Variants in ITIH4 observed in about 807,000 individuals in gnomAD.
The protein encoded by ITIH4 is inter-alpha-trypsin inhibitor heavy chain 4.
A neutral mutation model predicts 111.8 loss-of-function variants in ITIH4; 79 were observed. The observed-to-expected ratio is 0.71, with a 90% CI of 0.59 to 0.85. ITIH4 has a LOEUF of 0.85. Ranked by LOEUF, ITIH4 falls within the 40% of genes least tolerant of loss-of-function variation. ITIH4 has a pLI of 0.00. For missense variants in ITIH4, 1,065 were observed against 1,195.8 expected (o/e 0.89, Z 1.61); for synonymous variants, 472 against 468.3 (o/e 1.01, Z -0.10).
chr3:52,816,777 G>T, intron 21 of ITIH4, 107 bp downstream of exon 21: 2 of 1,050,458 alleles, frequency 1.9e-6, no homozygotes, highest in Non-Finnish European at 2.8e-6. Context: ...TGTGAGTGTA[G>T]CTGCTCCATT....
At chr3:52,820,869 C>G in intron 12 of ITIH4, 84 bp from the exon 13 acceptor site, 1 of 1,550,330 alleles carries the variant, frequency 6.5e-7, no homozygotes, top group Admixed American at 1.9e-5. Context: ...GGAGGTCCCT[C>G]TGGGAGAATC....
intron 17 of ITIH4, chr3:52,818,953 G>C (rs2154111281): frequency 3.6e-6 from 1 of 279,990 alleles, no homozygotes; most frequent in South Asian, 4.6e-5. Context: ...TTCAGAGAGA[G>C]GAAGCTGGCA....
intron 6 of ITIH4, 90 bp downstream of exon 6, chr3:52,825,796 G>C: frequency 6.9e-7 from 1 of 1,446,032 alleles, no homozygotes. Context: ...AGTAAGGGTG[G>C]TTCTTTTCCT....
At chr3:52,817,907 C>G in intron 20 of ITIH4, 145 bp downstream of exon 20, 1 of 729,348 alleles carries the variant, frequency 1.4e-6, no homozygotes, top group Non-Finnish European at 2.5e-6. Flanking sequence ...AGTGTGTGCC[C>G]ATGCCAGCAC....
rs1477470897 is a variant in ITIH4, at chr3:52,827,152, A to G, written c.297T>C (p.Ala99=). 6.2e-7 allele frequency: 1 copy of G among 1,614,164 alleles called. No homozygotes were observed. Among genetic ancestry groups the G allele is most frequent in the South Asian group, 1.1e-5 (1 of 91,086 alleles). Reference sequence around the variant, plus strand: ...CTGCGCTGTACTGTGCCTGGGCTTCAGCCTTCTCCTTGATGATCCCTGGGT... The same window carrying G: ...CTGCGCTGTACTGTGCCTGGGCTTCGGCCTTCTCCTTGATGATCCCTGGGT... ...MTYPGIIKEK[A]EAQAQYSAAV... Residue 99 remains alanine (A), a synonymous_variant, in exon 3 of 24, where the codon GCT becomes GCC. Coordinates refer to ENST00000266041, the MANE Select transcript of ITIH4 (RefSeq NM_002218.5).
Position 52,818,268 on chromosome 3 carries a change from G to T in ITIH4, c.2168C>A (p.Thr723Asn). 1 of 1,579,120 alleles carries T rather than the reference G, an allele frequency of 6.3e-7. No homozygotes were observed. Among genetic ancestry groups the T allele is most frequent in the South Asian group, 1.2e-5 (1 of 84,080 alleles). Residue 723 changes from threonine to asparagine, a missense_variant, in exon 19 of 24, where the codon ACC becomes AAC. Coordinates refer to ENST00000266041, the MANE Select transcript of ITIH4 (RefSeq NM_002218.5). ...GGCTGGGAACTTACCTGGGGTTTGGGTTGTCATGGTTGTTTCTAAAAGAAG... is the reference window on the plus strand; with the variant it reads ...GGCTGGGAACTTACCTGGGGTTTGGTTTGTCATGGTTGTTTCTAAAAGAAG... ...NMKIEETTMT[T>N]QTPAPIQAPS...
At chr3:52,827,034 A>T (rs1675372709) in intron 3 of ITIH4, 59 bp downstream of exon 3, 1 of 1,611,982 alleles carries the variant, frequency 6.2e-7, no homozygotes. Context: ...ACTAAGGGCC[A>T]AAGGCAAGGT....
chr3:52,814,907 G>T (rs1700253344), intron 21 of ITIH4, among the ~76,000 whole-genome samples: 1 of 152,136 alleles, frequency 6.6e-6, no homozygotes, highest in African/African-American at 2.4e-5. Context: ...AATTCAGTTT[G>T]TCATAAATTA....
At position 52,819,479 on chromosome 3, in the gene ITIH4, A is replaced by G; in HGVS notation, c.1991T>C (p.Val664Ala). 1 of 1,613,978 alleles carries G rather than the reference A, an allele frequency of 6.2e-7. No individual in the cohort carries two copies. The highest frequency in any genetic ancestry group is 8.5e-7 in the Non-Finnish European group (1 of 1,179,928). Residue 664 changes from valine (V) to alanine (A), a missense_variant, in exon 17 of 24, where the codon GTT becomes GCT. Coordinates refer to ENST00000266041, the MANE Select transcript of ITIH4 (RefSeq NM_002218.5). Reference protein sequence around the residue: ...AGSRMNFRPGVLSSRQLGLPG... With the variant: ...AGSRMNFRPGALSSRQLGLPG... The stretch of plus-strand genomic sequence containing the variant: ...GAGTCCAAGTTGCCTGGAGCTGAGA[A>G]CCCCAGGTCTGAAATTCATCCGGGA...
chr3:52,826,059 A>C, intron 5 of ITIH4, 45 bp from the exon 6 acceptor site: 1 of 1,611,890 alleles, frequency 6.2e-7, no homozygotes, highest in Non-Finnish European at 8.5e-7. Context: ...CAGCAAAGCC[A>C]GGCCAACAAC....
intron 17 of ITIH4, chr3:52,819,046 G>C (rs1700327524): frequency 3.0e-6 from 1 of 330,614 alleles, no homozygotes; most frequent in Middle Eastern, 1.0e-3. Context: ...TCTGAACAAG[G>C]AGTGTGGGAG....
intron 6 of ITIH4, 99 bp downstream of exon 6, chr3:52,825,787 G>T: frequency 7.3e-7 from 1 of 1,377,236 alleles, no homozygotes; most frequent in Non-Finnish European, 9.9e-7. Flanking sequence ...ACACTGCTAA[G>T]TAAGGGTGGT....
In ITIH4 at chr3:52,824,553, G is replaced by T. The variant is rs1223441061; in HGVS notation, c.889C>A (p.Leu297Ile). 6.2e-7 allele frequency: 1 copy of T among 1,612,030 alleles called. No homozygotes were observed. Among genetic ancestry groups the T allele is most frequent in the Admixed American group, 1.7e-5 (1 of 59,990 alleles). The change falls in exon 8 of 24, where the codon CTA becomes ATA. Residue 297 changes from leucine to isoleucine, a missense_variant. By Grantham distance (5) the Leu-to-Ile change is conservative. Transcript: ENST00000266041. The surrounding 1 kb of genome is among the most constrained non-coding windows in gnomAD (Gnocchi z 4.3). Reference sequence around the variant, plus strand: ...CTGAGGTCATCCAGGATCTTGATTAGGGCTTCCCGGGTCTGGTCAGGGAGA... The same window carrying T: ...CTGAGGTCATCCAGGATCTTGATTATGGCTTCCCGGGTCTGGTCAGGGAGA... ...GRKIQQTREA[L>I]IKILDDLSPR...
At chr3:52,828,824 G>C (rs1470594575) in intron 2 of ITIH4, among the ~76,000 whole-genome samples, 1 of 152,160 alleles carries the variant, frequency 6.6e-6, no homozygotes, top group Non-Finnish European at 1.5e-5. Context: ...GGCCTCAGGA[G>C]GCCTCAAGTC....
intron 21 of ITIH4, among the ~76,000 whole-genome samples, chr3:52,816,509 T>A (rs377599539): frequency 6.6e-6 from 1 of 152,190 alleles, no homozygotes; most frequent in African/African-American, 2.4e-5. Flanking sequence ...TGCTCCCAAC[T>A]ACACTCTCTC....
chr3:52,820,125 G>A, intron 14 of ITIH4, 135 bp from the exon 15 acceptor site: 1 of 1,262,784 alleles, frequency 7.9e-7, no homozygotes, highest in Non-Finnish European at 1.1e-6. Flanking sequence ...GCGACTAAAT[G>A]CACCAGCATG....
rs766526150 is a variant in ITIH4, at chr3:52,819,803, A to G, written c.1913-11T>C. Reference sequence around the variant, plus strand: ...GAGAAAAGGAAGCCTCTGTGTGGTCAAGTCCTGATCAGATACAACTGAACT... The same window carrying G: ...GAGAAAAGGAAGCCTCTGTGTGGTCGAGTCCTGATCAGATACAACTGAACT... On this transcript the variant is annotated splice_polypyrimidine_tract_variant and intron_variant, in intron 15 of 23. Transcript: ENST00000266041. 5 of 1,613,968 alleles carry G rather than the reference A, an allele frequency of 3.1e-6. No homozygotes were observed. The African/African-American group carries it at 6.7e-5, about 22-fold the overall frequency.
chr3:52,813,539 T>C, intron 23 of ITIH4, 49 bp from the exon 24 acceptor site: 1 of 1,541,490 alleles, frequency 6.5e-7, no homozygotes, highest in East Asian at 2.2e-5. Context: ...AAATCTCAGG[T>C]GTGGTGCGAA....
Position 52,823,934 on chromosome 3 carries a change from G to A in ITIH4, c.1242C>T (p.Cys414=). ...AGCTGACGTCGAAACCGAAGCCCAG[G>A]CAGAAGAGGCTGTACCGGCCACTTA... ...EAVSGRYSLF[C]LGFGFDVSYA... is the part of the protein sequence containing the mutation. Residue 414 remains cysteine (C), a synonymous_variant, in exon 10 of 24, where the codon TGC becomes TGT. Transcript: ENST00000266041. The A allele has an allele frequency of 6.2e-7, 1 of 1,606,734 alleles. No individual in the cohort carries two copies. The highest frequency in any genetic ancestry group is 8.5e-7 in the Non-Finnish European group (1 of 1,176,768).
Sources: gnomAD v4.1 joint callset for allele counts (sites outside exome capture counted in the v4.1 genomes callset) on GRCh38, gnomAD v4.1.1 for gene constraint, Gnocchi (gnomAD v3.1) non-coding constraint, MANE v1.5 for transcripts, NCBI Gene and HGNC (gene_info 2026-07-23, HGNC 2026-07-21) for gene names.